The following SLIT3 variants were observed in gnomAD, a reference collection of about 807,000 sequenced individuals.
SLIT3 encodes slit guidance ligand 3, also known as slit homolog 3 protein.
A neutral mutation model predicts 184.0 loss-of-function variants in SLIT3; 68 were observed. That is an observed-to-expected ratio of 0.37 (90% CI 0.30 to 0.45). SLIT3 has a LOEUF of 0.45. Among genes scored for constraint, SLIT3 ranks in the 20% least tolerant of loss-of-function variants. The pLI is 1.00. For synonymous variants in SLIT3, 831 were observed against 828.6 expected, an observed-to-expected ratio of 1.00 and a Z score of -0.05; for missense variants, 1,707 against 2,026.0, an observed-to-expected ratio of 0.84 and a Z score of 3.02.
Position 168,748,312 on chromosome 5 carries a change from C to T in SLIT3, c.2260G>A (p.Val754Met). The change falls in exon 20 of 36, where the codon GTG (valine) becomes ATG (methionine). Residue 754 changes from valine to methionine, a missense_variant. This residue lies in a region of SLIT3 where 1,307 missense variants were observed against 1,511.6 expected (regional missense o/e 0.86). Transcript: ENST00000519560. The stretch of plus-strand genomic sequence containing the variant: ...GCTGGGGGTACTTACAGCTCGGTCA[C>T]ATCCTTGGGCATGCCTCTGGGGAGG... ...RALPRGMPKD[V>M]TELYLEGNHL... is the part of the protein sequence containing the mutation. The T allele has an allele frequency of 6.8e-7, 1 of 1,476,576 alleles. No individual in the cohort carries two copies. Among genetic ancestry groups the T allele is most frequent in the Non-Finnish European group, 8.9e-7 (1 of 1,117,386 alleles). The allele number at this position is 1,476,576 out of a possible 1,614,324, so 91.5% of individuals were successfully genotyped here. A position where few individuals can be genotyped will look rare whatever the true frequency, so the allele number is the denominator to read the frequency against.
At chr5:168,844,365 AG>A (rs1384426155) in intron 6 of SLIT3, among the ~76,000 whole-genome samples, 1 of 152,098 alleles carries the variant, frequency 6.6e-6, no homozygotes, top group Non-Finnish European at 1.5e-5. Flanking sequence ...AGTTTGTGGG[AG>A]GTAAGAAATC....
chr5:168,979,277 G>A (rs533797849), intron 4 of SLIT3, among the ~76,000 whole-genome samples: 1 of 152,176 alleles, frequency 6.6e-6, no homozygotes, highest in Non-Finnish European at 1.5e-5. Context: ...GGCCTGTGTT[G>A]GGGCCCGAAG....
chr5:168,733,412 A>G (rs1344100643), intron 20 of SLIT3, among the ~76,000 whole-genome samples: 1 of 152,222 alleles, frequency 6.6e-6, no homozygotes, highest in East Asian at 1.9e-4. Flanking sequence ...TAGAACTACC[A>G]TTTGATCCAG....
chr5:168,992,603 A>G (rs1755365739), intron 4 of SLIT3, among the ~76,000 whole-genome samples: 1 of 152,112 alleles, frequency 6.6e-6, no homozygotes, highest in African/African-American at 2.4e-5. Flanking sequence ...AATGGAAGCA[A>G]AAGTTCTCTG....
At chr5:168,782,877 G>A (rs917079946) in intron 12 of SLIT3, among the ~76,000 whole-genome samples, 6 of 152,166 alleles carry the variant, frequency 3.9e-5, no homozygotes, top group Non-Finnish European at 5.9e-5. Flanking sequence ...ATGAATGGCC[G>A]CAGGAACTGA....
chr5:168,754,093 G>A lies in SLIT3; in HGVS notation c.1686-86C>T, dbSNP rs1581041083. 10 of 1,438,562 alleles carry A rather than the reference G, an allele frequency of 7.0e-6. 1 individual carries two copies. The East Asian group carries it at 2.5e-4, about 36-fold the overall frequency. The allele number at this position is 1,438,562 out of a possible 1,614,324, so 89.1% of individuals were successfully genotyped here. A position where few individuals can be genotyped will look rare whatever the true frequency, so the allele number is the denominator to read the frequency against. On this transcript the variant is annotated intron_variant, in intron 16 of 35. Coordinates refer to ENST00000519560, the MANE Select transcript of SLIT3 (RefSeq NM_003062.4). ...GGGGATGACTTGCCCTGCAGCTGCT[G>A]GGGACTCTCTGGGGCCCCTGAGACT...
chr5:168,884,547 G>GATAT (rs1491371300), intron 4 of SLIT3, among the ~76,000 whole-genome samples: 1 of 9,310 alleles, frequency 1.1e-4, no homozygotes, highest in Non-Finnish European at 1.9e-4. Context: ...TACCAATTAC[G>GATAT]AGATATATAT....
At chr5:168,846,916 A>G (rs1198723766) in intron 5 of SLIT3, among the ~76,000 whole-genome samples, 1 of 141,212 alleles carries the variant, frequency 7.1e-6, no homozygotes, top group Non-Finnish European at 1.5e-5. Flanking sequence ...AAGAGAATAA[A>G]CCAAAGTGGG....
At chr5:169,285,442 A>G (rs1465528429) in intron 1 of SLIT3, among the ~76,000 whole-genome samples, 1 of 152,220 alleles carries the variant, frequency 6.6e-6, no homozygotes, top group Non-Finnish European at 1.5e-5. Flanking sequence ...AATGATGATC[A>G]TAACTATATA....
Position 168,951,891 on chromosome 5 carries a change from G to C in SLIT3, c.414-68555C>G, listed in dbSNP as rs28575177. ...CATGATTTAAGGTCTTTGATGCACA[G>C]GGCTGTTAGGGATGTAAGAAATATA... is the stretch of plus-strand genomic sequence containing the variant. On this transcript the variant is annotated intron_variant, in intron 4 of 35. Coordinates refer to ENST00000519560, the MANE Select transcript of SLIT3 (RefSeq NM_003062.4). 5.5e-3 allele frequency among the ~76,000 whole-genome samples: 839 copies of C among 152,230 alleles called. 12 individuals are homozygous for C. The highest frequency in any genetic ancestry group is 0.019 in the African/African-American group (807 of 41,542).
chr5:168,822,044 C>T (rs1399767516), intron 7 of SLIT3, among the ~76,000 whole-genome samples: 2 of 152,134 alleles, frequency 1.3e-5, no homozygotes, highest in African/African-American at 4.8e-5. Context: ...GGGTGCCACC[C>T]CAAGAGATTC....
At chr5:168,815,913 TG>T (rs1757322287) in intron 8 of SLIT3, among the ~76,000 whole-genome samples, 1 of 152,216 alleles carries the variant, frequency 6.6e-6, no homozygotes, top group Non-Finnish European at 1.5e-5. Context: ...TTAAGCTCCC[TG>T]GGGTCCTTGT....
chr5:168,923,855 C>T (rs975283283), intron 4 of SLIT3, among the ~76,000 whole-genome samples: 3 of 152,218 alleles, frequency 2.0e-5, no homozygotes, highest in African/African-American at 7.2e-5. Context: ...TAGACTAAGC[C>T]AGGCATTGGC....
At chr5:168,950,959 G>A (rs544870796) in intron 4 of SLIT3, among the ~76,000 whole-genome samples, 1 of 152,218 alleles carries the variant, frequency 6.6e-6, no homozygotes, top group Non-Finnish European at 1.5e-5. Flanking sequence ...AGTGGCTCAT[G>A]CCTGTAATCC....
At chr5:169,046,084 T>C (rs1757612397) in intron 4 of SLIT3, among the ~76,000 whole-genome samples, 1 of 152,106 alleles carries the variant, frequency 6.6e-6, no homozygotes, top group African/African-American at 2.4e-5. Flanking sequence ...GATTTGATGA[T>C]GGACAAAGAA....
chr5:169,128,523 G>T (rs970871512), intron 4 of SLIT3, among the ~76,000 whole-genome samples: 3 of 151,994 alleles, frequency 2.0e-5, no homozygotes, highest in African/African-American at 7.3e-5. Context: ...GCGCCTCCTG[G>T]GTTCAAGCTA....
At chr5:168,934,546 C>T (rs1356283356) in intron 4 of SLIT3, among the ~76,000 whole-genome samples, 1 of 152,102 alleles carries the variant, frequency 6.6e-6, no homozygotes, top group African/African-American at 2.4e-5. Context: ...AGGCTGATAC[C>T]ACAAGATGAT....
At chr5:168,793,425 A>T (rs1382207117) in intron 10 of SLIT3, among the ~76,000 whole-genome samples, 1 of 152,124 alleles carries the variant, frequency 6.6e-6, no homozygotes, top group Non-Finnish European at 1.5e-5. Flanking sequence ...ATTGCACTTC[A>T]GTCTAGGTTT....
chr5:169,221,224 T>G (rs1023875392), intron 3 of SLIT3, among the ~76,000 whole-genome samples: 1 of 152,218 alleles, frequency 6.6e-6, no homozygotes, highest in Non-Finnish European at 1.5e-5. Flanking sequence ...GCAAATCTAC[T>G]TGAGGTTTGA....
Sources: allele counts gnomAD v4.1 joint callset (sites outside exome capture counted in the v4.1 genomes callset), GRCh38; gene constraint gnomAD v4.1.1; regional missense constraint gnomAD v4.1.1; transcripts MANE v1.5; gene names NCBI Gene and HGNC (gene_info 2026-07-23, HGNC 2026-07-21).